PLXNA2: variants seen among roughly 807,000 people sequenced by gnomAD.
PLXNA2 encodes plexin-A2.
PLXNA2 carries 91 observed loss-of-function variants against 193.5 expected under a neutral mutation model. The ratio of observed to expected loss-of-function variants is 0.47; its 90% CI spans 0.40 to 0.56. The LOEUF (loss-of-function observed/expected upper bound fraction) is 0.56, where lower values mean the gene tolerates loss of function less well. PLXNA2 is among the 20% of genes least tolerant of loss of function. The probability of loss-of-function intolerance (pLI) is 0.00; values close to 1 mark genes in which losing one functional copy is unlikely to be tolerated. For synonymous variants in PLXNA2, 997 were observed against 1,027.3 expected (o/e 0.97, Z 0.56); for missense variants, 1,995 against 2,503.2 (o/e 0.80, Z 4.33).
chr1:208,105,641 C>A (rs542062121), intron 4 of PLXNA2, among the ~76,000 whole-genome samples: 8 of 152,338 alleles, frequency 5.3e-5, no homozygotes, highest in African/African-American at 1.9e-4. Flanking sequence ...CAAGAAACAC[C>A]TTTCAGACAG....
chr1:208,135,765 C>G (rs1187746533), intron 4 of PLXNA2, among the ~76,000 whole-genome samples: 1 of 152,174 alleles, frequency 6.6e-6, no homozygotes, highest in East Asian at 1.9e-4. Context: ...TCCTTACCAG[C>G]TCTGATGCTC....
chr1:208,084,287 G>A, intron 10 of PLXNA2, 93 bp downstream of exon 10: 1 of 1,339,810 alleles, frequency 7.5e-7, no homozygotes, highest in East Asian at 2.3e-5. Context: ...GAACCTGGAA[G>A]GCTCCGGAAG....
intron 1 of PLXNA2, among the ~76,000 whole-genome samples, chr1:208,220,677 C>T (rs1460530812): frequency 2.6e-5 from 4 of 151,772 alleles, no homozygotes; most frequent in South Asian, 2.1e-4. Flanking sequence ...CTCCTGACCT[C>T]GTGATCCACC....
chr1:208,072,605 T>G (rs1039145895), intron 12 of PLXNA2, among the ~76,000 whole-genome samples: 4 of 152,160 alleles, frequency 2.6e-5, no homozygotes, highest in Admixed American at 6.5e-5. Context: ...GCCATCTCAT[T>G]GGTGGGCATA....
chr1:208,118,782 T>C (rs1406792085), intron 4 of PLXNA2, among the ~76,000 whole-genome samples: 1 of 152,098 alleles, frequency 6.6e-6, no homozygotes, highest in Non-Finnish European at 1.5e-5. Flanking sequence ...GCTTAGGATA[T>C]TAATTAGAGC....
chr1:208,029,333 C>T (rs1664430528), intron 29 of PLXNA2: 1 of 1,209,090 alleles, frequency 8.3e-7, no homozygotes, highest in Non-Finnish European at 1.0e-6. Flanking sequence ...TTCTAAAGGA[C>T]TCTGTGCCCC....
rs1034474679 is a variant in PLXNA2 at position 208,128,520 on chromosome 1, G to A, written c.1506+13809C>T. 9.2e-5 allele frequency among the ~76,000 whole-genome samples: 3 copies of A among 32,550 alleles called. No individual in the cohort carries two copies. The East Asian group carries it at 1.7e-3, about 19-fold the overall frequency. The allele number at this position is 32,550 out of a possible 152,430, so 21.4% of individuals were successfully genotyped here. On this transcript the variant is annotated intron_variant, in intron 4 of 31. Transcript: ENST00000367033. ...CAAGACCAAGGCTTAGAGAGGATACGCTAGGCCATATCAAAGAGTGATAGA... is the reference window on the plus strand; with the variant it reads ...CAAGACCAAGGCTTAGAGAGGATACACTAGGCCATATCAAAGAGTGATAGA...
chr1:208,156,909 T>C (rs749247497), intron 3 of PLXNA2, among the ~76,000 whole-genome samples: 1 of 152,202 alleles, frequency 6.6e-6, no homozygotes, highest in African/African-American at 2.4e-5. Context: ...CACAGCCTCA[T>C]ATACTTATTT....
chr1:208,131,507 G>A (rs1207213621), intron 4 of PLXNA2, among the ~76,000 whole-genome samples: 2 of 152,198 alleles, frequency 1.3e-5, no homozygotes, highest in Admixed American at 6.5e-5. Flanking sequence ...CTCCTGGAAG[G>A]AGCTGAAAAG....
chr1:208,202,023 G>T (rs565793912), intron 3 of PLXNA2, among the ~76,000 whole-genome samples: 3 of 149,262 alleles, frequency 2.0e-5, no homozygotes, highest in African/African-American at 7.4e-5. Flanking sequence ...GTGTCCCCCA[G>T]CTTGGAATGC....
intron 28 of PLXNA2, among the ~76,000 whole-genome samples, chr1:208,033,034 CTT>C (rs756299412): frequency 6.8e-6 from 1 of 146,654 alleles, no homozygotes; most frequent in South Asian, 2.2e-4. Context: ...CTCTCTCTCT[CTT>C]TTTTTTTTTC....
intron 1 of PLXNA2, among the ~76,000 whole-genome samples, chr1:208,228,105 A>G (rs914530228): frequency 2.6e-5 from 4 of 152,224 alleles, no homozygotes; most frequent in Admixed American, 2.0e-4. Flanking sequence ...AGCTGTCCAC[A>G]TCTTTTTCTT....
intron 4 of PLXNA2, among the ~76,000 whole-genome samples, chr1:208,120,079 T>G (rs901799248): frequency 2.0e-5 from 3 of 152,198 alleles, no homozygotes; most frequent in Non-Finnish European, 4.4e-5. Flanking sequence ...AGGGCTTTGG[T>G]GTCTCTGCAC....
chr1:208,219,831 C>T lies in PLXNA2; in HGVS notation c.-80-1829G>A, dbSNP rs1572047038. Among the ~76,000 whole-genome samples, 10 of 152,308 alleles carry T rather than the reference C, an allele frequency of 6.6e-5. No homozygotes were observed. The South Asian group carries it at 2.1e-3, about 32-fold the overall frequency. On this transcript the variant is annotated intron_variant, in intron 1 of 31. Transcript: ENST00000367033. ...AACACCGGCATGAGACTCAGGCTGA[C>T]CTCAGCTACTCCGACACAGCCCTTC...
At chr1:208,113,745 G>A (rs1368565040) in intron 4 of PLXNA2, among the ~76,000 whole-genome samples, 2 of 151,886 alleles carry the variant, frequency 1.3e-5, no homozygotes, top group Non-Finnish European at 2.9e-5. Flanking sequence ...TTATAGTGAT[G>A]GGGTCTTGCC....
chr1:208,050,272 T>C (rs74152181), intron 17 of PLXNA2, among the ~76,000 whole-genome samples: 1,626 of 152,336 alleles, frequency 0.011, 34 homozygotes, highest in African/African-American at 0.037. Context: ...CATTCATAGC[T>C]GAGAGGTGGA....
chr1:208,143,142 G>A (rs1668504646), intron 3 of PLXNA2, among the ~76,000 whole-genome samples: 2 of 152,186 alleles, frequency 1.3e-5, no homozygotes, highest in South Asian at 2.1e-4. Context: ...ATCATCTGGG[G>A]AGCTTTAAAA....
chr1:208,144,471 TG>T (rs893579258), intron 3 of PLXNA2, among the ~76,000 whole-genome samples: 69 of 152,210 alleles, frequency 4.5e-4, no homozygotes, highest in African/African-American at 1.6e-3. Context: ...GAGTCCATCG[TG>T]GGGTGGGAAG....
intron 1 of PLXNA2, among the ~76,000 whole-genome samples, chr1:208,226,001 AATTGTTCTTTTAAAGGAGAGGG>A (rs1186728248): frequency 6.6e-6 from 1 of 152,144 alleles, no homozygotes; most frequent in Non-Finnish European, 1.5e-5. Flanking sequence ...ATGGTTCAGG[AATTGTTCTTTTAAAGGAGAGGG>A]GTCTGGGTGT....
Sources: allele counts gnomAD v4.1 joint callset (sites outside exome capture counted in the v4.1 genomes callset), GRCh38; gene constraint gnomAD v4.1.1; transcripts MANE v1.5; gene names NCBI Gene and HGNC (gene_info 2026-07-23, HGNC 2026-07-21).